Variants in MTG2 observed in about 807,000 individuals in gnomAD.
MTG2 encodes the protein mitochondrial ribosome-associated GTPase 2.
In MTG2, 23 loss-of-function variants were observed where a neutral mutation model predicts 28.6. The ratio of observed to expected loss-of-function variants is 0.80; its 90% CI spans 0.58 to 1.14. The LOEUF is 1.14. Among genes scored for constraint, MTG2 ranks in the 50% most tolerant of loss-of-function variants. MTG2 has a pLI of 0.00. For missense variants in MTG2, 539 were observed against 552.0 expected, an observed-to-expected ratio of 0.98 and a Z score of 0.24; for synonymous variants, 260 against 251.8, an observed-to-expected ratio of 1.03 and a Z score of -0.31.
rs143940480 is a variant in MTG2, at chr20:62,194,562, A to C, written c.204+938A>C. On this transcript the variant is annotated intron_variant, in intron 2 of 6. Coordinates refer to ENST00000370823, the MANE Select transcript of MTG2 (RefSeq NM_015666.4). ...ACATGGTGGTGCCAAAGAATCTTAG[A>C]ATGTTTGTGTTTTAAATTTTTAAAT... Among the ~76,000 whole-genome samples, 554 of 152,354 alleles carry C rather than the reference A, an allele frequency of 3.6e-3. 3 individuals are homozygous for C. The highest frequency in any genetic ancestry group is 0.013 in the African/African-American group (535 of 41,576).
At chr20:62,200,556 G>A (rs1202269850) in intron 6 of MTG2, 127 bp from the exon 7 acceptor site, 1 of 1,177,242 alleles carries the variant, frequency 8.5e-7, no homozygotes, top group Admixed American at 2.4e-5. Context: ...AAAGGAAAGT[G>A]TTAGAACTCA....
At chr20:62,198,427 T>C (rs894880325) in intron 4 of MTG2, among the ~76,000 whole-genome samples, 2 of 152,124 alleles carry the variant, frequency 1.3e-5, no homozygotes, top group African/African-American at 4.8e-5. Flanking sequence ...GTCAGAAGGG[T>C]GTGTACGCAG....
intron 1 of MTG2, among the ~76,000 whole-genome samples, chr20:62,191,502 G>A (rs2057958544): frequency 6.6e-6 from 1 of 152,174 alleles, no homozygotes; most frequent in African/African-American, 2.4e-5. Context: ...AACTGTGATT[G>A]CCTCAGAATT....
intron 1 of MTG2, among the ~76,000 whole-genome samples, chr20:62,189,432 C>G (rs1371652068): frequency 6.6e-6 from 1 of 152,146 alleles, no homozygotes; most frequent in Non-Finnish European, 1.5e-5. Flanking sequence ...ACCTCAGCCT[C>G]CAAAGTAGCT....
Position 62,200,403 on chromosome 20 carries a change from G to A in MTG2, c.827-280G>A, listed in dbSNP as rs149175457. ...AATCCTATTAGAAGCAGAAAGAGAA[G>A]GTATGAAATGTACTCTACTAGATAG... On this transcript the variant is annotated intron_variant, in intron 6 of 6. Coordinates refer to ENST00000370823, the MANE Select transcript of MTG2 (RefSeq NM_015666.4). 1.8e-3 allele frequency: 651 copies of A among 368,944 alleles called. 4 individuals are homozygous for A. The highest frequency in any genetic ancestry group is 0.013 in the African/African-American group (602 of 47,992). 22.9% of individuals were successfully genotyped at this position (368,944 alleles called of 1,614,324 possible).
intron 2 of MTG2, among the ~76,000 whole-genome samples, chr20:62,194,923 A>G (rs1230668143): frequency 1.3e-5 from 2 of 152,176 alleles, no homozygotes; most frequent in Non-Finnish European, 2.9e-5. Flanking sequence ...CTAGCCGGGC[A>G]CAGTGGCTCA....
At chr20:62,183,692 A>AC (rs1457018309) in intron 1 of MTG2, among the ~76,000 whole-genome samples, 2 of 152,168 alleles carry the variant, frequency 1.3e-5, no homozygotes, top group Admixed American at 6.5e-5. Context: ...GGTGGGAATT[A>AC]GAGGGGTTGT....
intron 1 of MTG2, among the ~76,000 whole-genome samples, chr20:62,186,069 C>A (rs1568780465): frequency 6.6e-6 from 1 of 152,020 alleles, no homozygotes; most frequent in Non-Finnish European, 1.5e-5. Flanking sequence ...CCAGAATATC[C>A]GGGCTGGATG....
At chr20:62,196,857 C>T (rs896313039) in intron 3 of MTG2, among the ~76,000 whole-genome samples, 4 of 151,172 alleles carry the variant, frequency 2.6e-5, no homozygotes, top group South Asian at 2.1e-4. Context: ...GGTGAAACCC[C>T]GTCTCTACAA....
At position 62,196,623 on chromosome 20, in the gene MTG2, T is replaced by C. The variant is rs141626944; in HGVS notation, c.352+674T>C. On this transcript the variant is annotated intron_variant, in intron 3 of 6. Transcript: ENST00000370823. The stretch of plus-strand genomic sequence containing the variant: ...AGGTCGAGGTTGCAGTGAGCTCCGA[T>C]TGTGCTGCTGCACTCCAGCCTGGCC... Among the ~76,000 whole-genome samples the C allele has an allele frequency of 2.8e-3, 428 of 152,170 alleles. 4 individuals carry two copies. Among genetic ancestry groups the C allele is most frequent in the African/African-American group, 9.7e-3 (403 of 41,496 alleles).
At chr20:62,194,311 A>G (rs1010730019) in intron 2 of MTG2, among the ~76,000 whole-genome samples, 1 of 152,218 alleles carries the variant, frequency 6.6e-6, no homozygotes, top group African/African-American at 2.4e-5. Flanking sequence ...TTACTGGGAC[A>G]AACAGCACTT....
chr20:62,198,151 G>A, intron 4 of MTG2, 184 bp downstream of exon 4: 1 of 595,742 alleles, frequency 1.7e-6, no homozygotes, highest in South Asian at 2.0e-5. Context: ...AACCCAGACG[G>A]GCATTTGTAC....
intron 2 of MTG2, chr20:62,193,840 G>A (rs944842871): frequency 2.8e-5 from 16 of 566,038 alleles, no homozygotes; most frequent in Non-Finnish European, 4.4e-5. Context: ...GAGGCGCTGC[G>A]TGCTTGGAAA....
rs1171193731 is a variant in MTG2 at position 62,198,818 on chromosome 20, A to G, written c.653A>G (p.His218Arg). Reference sequence around the variant, plus strand: ...CAGCCAGGACAGCAGCGAGTTCTCCACCTGGAGCTCAAGACGGTGGCCCAC... The same window carrying G: ...CAGCCAGGACAGCAGCGAGTTCTCCGCCTGGAGCTCAAGACGGTGGCCCAC... Reference protein sequence around the residue: ...PGQPGQQRVLHLELKTVAHAG... With the variant: ...PGQPGQQRVLRLELKTVAHAG... Residue 218 changes from histidine (H) to arginine (R), a missense_variant, in exon 5 of 7, where the codon CAC becomes CGC. Physicochemically the swap from His to Arg is conservative, Grantham distance 29. Transcript: ENST00000370823. 6.2e-7 allele frequency: 1 copy of G among 1,614,098 alleles called. No individual in the cohort carries two copies.
intron 6 of MTG2, 58 bp from the exon 7 acceptor site, chr20:62,200,625 G>A (rs1489096308): frequency 6.6e-6 from 10 of 1,516,748 alleles, no homozygotes; most frequent in East Asian, 2.3e-5. Context: ...GGTGGAAGGC[G>A]CTCTTGGGTG....
chr20:62,188,500 A>C (rs1760055), intron 1 of MTG2, among the ~76,000 whole-genome samples: 50,501 of 143,692 alleles, frequency 0.35, 9,157 homozygotes, highest in East Asian at 0.6. Flanking sequence ...TGTCCAGCTA[A>C]TCAGCTAATT....
intron 1 of MTG2, among the ~76,000 whole-genome samples, chr20:62,183,801 G>C (rs1360687861): frequency 6.6e-6 from 1 of 152,210 alleles, no homozygotes. Context: ...TTAAACGCAG[G>C]TTCGTCCTCA....
intron 6 of MTG2, 44 bp from the exon 7 acceptor site, chr20:62,200,639 G>T: frequency 6.5e-7 from 1 of 1,540,018 alleles, no homozygotes; most frequent in South Asian, 1.3e-5. Context: ...TTGGGTGCTG[G>T]GTGTGCCAAG....
Position 62,201,171 on chromosome 20 carries a change from G to C in MTG2, c.*94G>C. On this transcript the variant is annotated 3_prime_UTR_variant, in exon 7 of 7. Coordinates refer to ENST00000370823, the MANE Select transcript of MTG2 (RefSeq NM_015666.4). ...AATGCATAAAGTGCCTTGTGGACACGGGGGAGTTGTGGTGCTTCTGGGTCT... is the reference window on the plus strand; with the variant it reads ...AATGCATAAAGTGCCTTGTGGACACCGGGGAGTTGTGGTGCTTCTGGGTCT... 1 of 1,404,180 alleles carries C rather than the reference G, an allele frequency of 7.1e-7. No individual in the cohort carries two copies. The allele number at this position is 1,404,180 out of a possible 1,614,324, so 87.0% of individuals were successfully genotyped here.
Sources: gnomAD v4.1 joint callset for allele counts (sites outside exome capture counted in the v4.1 genomes callset) on GRCh38, gnomAD v4.1.1 for gene constraint, MANE v1.5 for transcripts, NCBI Gene and HGNC (gene_info 2026-07-23, HGNC 2026-07-21) for gene names.